The following PDE1A variants were observed in gnomAD, a reference collection of about 807,000 sequenced individuals.
PDE1A encodes the protein dual specificity calcium/calmodulin-dependent 3',5'-cyclic nucleotide phosphodiesterase 1A.
A neutral mutation model predicts 61.7 loss-of-function variants in PDE1A; 35 were observed. That is an observed-to-expected ratio of 0.57 (90% CI 0.43 to 0.75). The LOEUF (loss-of-function observed/expected upper bound fraction) is 0.75, where lower values mean the gene tolerates loss of function less well. Among genes scored for constraint, PDE1A ranks in the 30% least tolerant of loss-of-function variants. PDE1A has a pLI of 0.00. For missense variants in PDE1A, 597 were observed against 630.6 expected, an observed-to-expected ratio of 0.95 and a Z score of 0.57; for synonymous variants, 232 against 213.2, an observed-to-expected ratio of 1.09 and a Z score of -0.77.
chr2:182,388,107 A>T (rs1051107077), intron 1 of PDE1A, among the ~76,000 whole-genome samples: 7 of 152,208 alleles, frequency 4.6e-5, no homozygotes, highest in Non-Finnish European at 1.0e-4. Context: ...ATAATGATGG[A>T]GGGGTCAATT....
the PDE1A span, among the ~76,000 whole-genome samples, chr2:182,575,168 G>A: frequency 6.6e-6 from 1 of 152,114 alleles, no homozygotes; most frequent in Non-Finnish European, 1.5e-5. Context: ...CATTCCTGAG[G>A]GGTCTGAGAC....
At chr2:182,541,909 T>C in the PDE1A span, among the ~76,000 whole-genome samples, 2 of 152,188 alleles carry the variant, frequency 1.3e-5, no homozygotes, top group Non-Finnish European at 2.9e-5. Flanking sequence ...TGAAGCTTTA[T>C]GTGTGACTTG....
chr2:182,330,001 G>A (rs1697299311), intron 1 of PDE1A, among the ~76,000 whole-genome samples: 1 of 151,694 alleles, frequency 6.6e-6, no homozygotes, highest in Admixed American at 6.6e-5. Context: ...ATTACCATCT[G>A]TGACTATTTA....
intron 2 of PDE1A, among the ~76,000 whole-genome samples, chr2:182,493,266 A>G (rs1215448582): frequency 7.0e-6 from 1 of 143,536 alleles, no homozygotes; most frequent in African/African-American, 2.6e-5. Flanking sequence ...GTGTCTTACT[A>G]TACTGGTTAG....
chr2:182,657,435 T>C, the PDE1A span, among the ~76,000 whole-genome samples: 2 of 152,142 alleles, frequency 1.3e-5, no homozygotes, highest in Non-Finnish European at 2.9e-5. Flanking sequence ...ACAAAAGTGA[T>C]TAAGGATAAA....
intron 2 of PDE1A, among the ~76,000 whole-genome samples, chr2:182,482,434 T>A (rs1240660391): frequency 1.3e-5 from 2 of 151,800 alleles, no homozygotes; most frequent in Non-Finnish European, 2.9e-5. Context: ...CCACATTTCA[T>A]CAAAATATTT....
intron 1 of PDE1A, among the ~76,000 whole-genome samples, chr2:182,354,553 T>C (rs1699070702): frequency 6.6e-6 from 1 of 152,144 alleles, no homozygotes; most frequent in Non-Finnish European, 1.5e-5. Flanking sequence ...TCAGAACAAC[T>C]TGGCAGATAA....
chr2:182,278,163 A>G (rs1559287609), intron 1 of PDE1A, among the ~76,000 whole-genome samples: 1 of 151,930 alleles, frequency 6.6e-6, no homozygotes, highest in African/African-American at 2.4e-5. Flanking sequence ...GTGTCCCTAC[A>G]ACAACTCACA....
chr2:182,594,231 T>C, the PDE1A span, among the ~76,000 whole-genome samples: 6 of 152,202 alleles, frequency 3.9e-5, no homozygotes, highest in Non-Finnish European at 8.8e-5. Context: ...ATAACCCAAA[T>C]GATTTATTTA....
chr2:182,356,459 G>A (rs1454583744), intron 1 of PDE1A, among the ~76,000 whole-genome samples: 2 of 152,040 alleles, frequency 1.3e-5, no homozygotes, highest in African/African-American at 2.4e-5. Context: ...ATTTCTCATT[G>A]CTGTCTTATG....
intron 1 of PDE1A, among the ~76,000 whole-genome samples, chr2:182,276,090 C>T (rs1203968663): frequency 2.6e-5 from 4 of 151,920 alleles, no homozygotes; most frequent in African/African-American, 9.7e-5. Context: ...TCCTCTCTCC[C>T]TTCCTTCCTT....
At chr2:182,270,408 T>C (rs300882) in intron 1 of PDE1A, among the ~76,000 whole-genome samples, 196 of 152,182 alleles carry the variant, frequency 1.3e-3, no homozygotes, top group African/African-American at 4.5e-3. Context: ...TAAGCTACCG[T>C]TACATAACCC....
At chr2:182,202,177 A>T (rs1686713144) in intron 8 of PDE1A, among the ~76,000 whole-genome samples, 1 of 152,222 alleles carries the variant, frequency 6.6e-6, no homozygotes, top group Admixed American at 6.5e-5. Flanking sequence ...CTTTGAGGAA[A>T]AAAAGTAGTC....
intron 1 of PDE1A, among the ~76,000 whole-genome samples, chr2:182,303,725 T>C (rs1345167849): frequency 1.3e-5 from 2 of 152,240 alleles, no homozygotes; most frequent in African/African-American, 4.8e-5. Flanking sequence ...AAGTACTAGA[T>C]GGCATCTTTT....
chr2:182,353,408 T>C (rs1405697633), intron 1 of PDE1A, among the ~76,000 whole-genome samples: 1 of 152,198 alleles, frequency 6.6e-6, no homozygotes, highest in African/African-American at 2.4e-5. Context: ...TTCACCTCTA[T>C]TCTGAGGTAT....
intron 2 of PDE1A, among the ~76,000 whole-genome samples, chr2:182,514,921 G>A (rs12616229): frequency 0.35 from 52,984 of 151,606 alleles, 9,695 homozygotes; most frequent in Middle Eastern, 0.44. Context: ...TGAAGGTTAA[G>A]TTGAATTCAC....
Position 182,502,015 on chromosome 2 carries a change from T to C in PDE1A, c.101+20261A>G, listed in dbSNP as rs184093801. Among the ~76,000 whole-genome samples, 5 of 152,286 alleles carry C rather than the reference T, an allele frequency of 3.3e-5. No homozygotes were observed. In the East Asian group the frequency reaches 9.7e-4, roughly 29 times the overall value. ...ACAGGGACACAGATCTGACTTTAAATACGACACCGCTGGCAGGCCCTCAGA... is the reference window on the plus strand; with the variant it reads ...ACAGGGACACAGATCTGACTTTAAACACGACACCGCTGGCAGGCCCTCAGA... On this transcript the variant is annotated intron_variant, in intron 2 of 14. Coordinates refer to the PDE1A transcript ENST00000410103.
At chr2:182,169,944 C>CCTCT (rs772122359) in intron 13 of PDE1A, among the ~76,000 whole-genome samples, 8 of 119,092 alleles carry the variant, frequency 6.7e-5, no homozygotes, top group Admixed American at 1.7e-4. Flanking sequence ...ACACACTCTC[C>CCTCT]CTCTCTCTCT....
chr2:182,587,605 T>C, the PDE1A span, among the ~76,000 whole-genome samples: 2 of 152,192 alleles, frequency 1.3e-5, no homozygotes, highest in Admixed American at 6.5e-5. Context: ...TTTCAGAATA[T>C]AAAGAAAGTT....
Sources: gnomAD v4.1 joint callset for allele counts (sites outside exome capture counted in the v4.1 genomes callset) on GRCh38, gnomAD v4.1.1 for gene constraint, MANE v1.5 for transcripts, NCBI Gene and HGNC (gene_info 2026-07-23, HGNC 2026-07-21) for gene names.